Variants in CDH13 observed in about 807,000 individuals in gnomAD.
CDH13 encodes cadherin 13.
In CDH13, 24 loss-of-function variants were observed where a neutral mutation model predicts 63.8. That is an observed-to-expected ratio of 0.38 (90% CI 0.27 to 0.53). The LOEUF is 0.53. Among genes scored for constraint, CDH13 ranks in the 20% least tolerant of loss-of-function variants. The probability of loss-of-function intolerance (pLI) is 0.85; values close to 1 mark genes in which losing one functional copy is unlikely to be tolerated. For missense variants in CDH13, 1,049 were observed against 903.1 expected, an observed-to-expected ratio of 1.16 and a Z score of -2.07; for synonymous variants, 503 against 355.3, an observed-to-expected ratio of 1.42 and a Z score of -4.67.
At chr16:83,270,462 AC>A (rs2088768275) in intron 5 of CDH13, among the ~76,000 whole-genome samples, 2 of 152,158 alleles carry the variant, frequency 1.3e-5, no homozygotes, top group African/African-American at 2.4e-5. Flanking sequence ...TTAGTAAGCC[AC>A]CCCCATTGTG....
At chr16:83,379,564 A>G (rs148928397) in intron 6 of CDH13, among the ~76,000 whole-genome samples, 44 of 152,272 alleles carry the variant, frequency 2.9e-4, no homozygotes, top group African/African-American at 1.0e-3. Flanking sequence ...TTCCCATGGT[A>G]TGCACAACTT....
intron 6 of CDH13, among the ~76,000 whole-genome samples, chr16:83,470,014 G>C (rs1050426704): frequency 8.5e-5 from 13 of 152,086 alleles, no homozygotes; most frequent in African/African-American, 3.1e-4. Context: ...GTAGTCTCTG[G>C]GTGATACTTG....
intron 8 of CDH13, among the ~76,000 whole-genome samples, chr16:83,624,133 A>T (rs965921773): frequency 4.6e-5 from 7 of 151,984 alleles, no homozygotes; most frequent in Admixed American, 4.6e-4. Context: ...CTGTCTCTCT[A>T]TGTTGGCTTT....
intron 5 of CDH13, among the ~76,000 whole-genome samples, chr16:83,326,425 C>CTTTTTTTTT (rs1241180598): frequency 1.6e-5 from 2 of 126,640 alleles, no homozygotes; most frequent in African/African-American, 2.9e-5. Context: ...ACACTTGGTG[C>CTTTTTTTTT]TTTTTTTTTT....
chr16:82,710,552 A>T (rs1817349), intron 1 of CDH13, among the ~76,000 whole-genome samples: 5,027 of 61,616 alleles, frequency 0.082, 187 homozygotes, highest in African/African-American at 0.09. Flanking sequence ...AAAAAAAAAA[A>T]ATATATATAT....
At chr16:83,080,040 G>A (rs935215279) in intron 3 of CDH13, among the ~76,000 whole-genome samples, 2 of 152,218 alleles carry the variant, frequency 1.3e-5, no homozygotes, top group African/African-American at 4.8e-5. Flanking sequence ...TTTCAAGGAA[G>A]CTGAAGTGCC....
chr16:82,776,565 C>G (rs1476947072), intron 1 of CDH13, among the ~76,000 whole-genome samples: 1 of 152,172 alleles, frequency 6.6e-6, no homozygotes, highest in Non-Finnish European at 1.5e-5. Flanking sequence ...ACCTTCTTTT[C>G]AAATAAGAAT....
chr16:83,655,686 C>G (rs1211399426), intron 8 of CDH13, among the ~76,000 whole-genome samples: 1 of 152,186 alleles, frequency 6.6e-6, no homozygotes, highest in Admixed American at 6.5e-5. Context: ...AATGTCAGCT[C>G]CATGAGGGCA....
chr16:82,655,408 A>C (rs1002441239), intron 1 of CDH13, among the ~76,000 whole-genome samples: 1 of 152,192 alleles, frequency 6.6e-6, no homozygotes, highest in Non-Finnish European at 1.5e-5. Context: ...TGAGATGGCC[A>C]TGTGGATCTC....
At chr16:82,903,523 C>G (rs1330245117) in intron 2 of CDH13, among the ~76,000 whole-genome samples, 2 of 152,206 alleles carry the variant, frequency 1.3e-5, no homozygotes, top group Non-Finnish European at 2.9e-5. Flanking sequence ...GGCCACCCAC[C>G]CTGCCATTAT....
At position 82,816,308 on chromosome 16, in the gene CDH13, C is replaced by T. The variant is rs559975378; in HGVS notation, c.46-42054C>T. ...ACTCAGTAAATATTTATTGAGTACC[C>T]TGTATGTGTAGGTAGTGGTGATACA... On this transcript the variant is annotated intron_variant, in intron 1 of 13. Coordinates refer to ENST00000567109, the MANE Select transcript of CDH13 (RefSeq NM_001257.5). Among the ~76,000 whole-genome samples the T allele has an allele frequency of 5.3e-4, 81 of 152,238 alleles. 1 individual carries two copies. The Middle Eastern group carries it at 0.01, about 19-fold the overall frequency.
At chr16:83,779,822 C>A in intron 11 of CDH13, 146 bp from the exon 12 acceptor site, 1 of 597,240 alleles carries the variant, frequency 1.7e-6, no homozygotes, top group Non-Finnish European at 2.9e-6. Flanking sequence ...CGCACCACTG[C>A]ATTCCAGTCT....
chr16:83,582,719 C>A (rs985651816), intron 7 of CDH13, among the ~76,000 whole-genome samples: 2 of 152,172 alleles, frequency 1.3e-5, no homozygotes, highest in Non-Finnish European at 2.9e-5. Flanking sequence ...TGCTGACGGC[C>A]AGTGGAAATG....
At chr16:83,295,897 GC>G (rs1490103427) in intron 5 of CDH13, among the ~76,000 whole-genome samples, 7 of 152,162 alleles carry the variant, frequency 4.6e-5, no homozygotes, top group Admixed American at 6.6e-5. Flanking sequence ...GTTCACAATA[GC>G]CAAGATATGG....
intron 9 of CDH13, 112 bp downstream of exon 9, chr16:83,671,084 C>G (rs565234958): frequency 1.1e-6 from 1 of 910,312 alleles, no homozygotes; most frequent in African/African-American, 1.7e-5. Flanking sequence ...CCCCAGTCTC[C>G]TCCTTCTGGG....
At chr16:83,578,466 G>A (rs1018923290) in intron 7 of CDH13, among the ~76,000 whole-genome samples, 6 of 152,136 alleles carry the variant, frequency 3.9e-5, no homozygotes, top group African/African-American at 7.2e-5. Context: ...TAAGAGAGAC[G>A]CACAAATGTC....
intron 2 of CDH13, among the ~76,000 whole-genome samples, chr16:83,013,222 T>C (rs1485366301): frequency 6.6e-6 from 1 of 152,236 alleles, no homozygotes; most frequent in African/African-American, 2.4e-5. Context: ...GCCATATACA[T>C]GTAGGTGAAT....
intron 1 of CDH13, among the ~76,000 whole-genome samples, chr16:82,645,119 C>G (rs1278712657): frequency 6.6e-6 from 1 of 152,110 alleles, no homozygotes; most frequent in African/African-American, 2.4e-5. Context: ...ACAGATCACA[C>G]TTCTGAAAAC....
chr16:83,734,501 A>C (rs1211340464), intron 10 of CDH13, among the ~76,000 whole-genome samples: 1 of 149,022 alleles, frequency 6.7e-6, no homozygotes, highest in Non-Finnish European at 1.5e-5. Flanking sequence ...CAAACACCGC[A>C]TGTTCTCACT....
Sources: gnomAD v4.1 joint callset for allele counts (sites outside exome capture counted in the v4.1 genomes callset) on GRCh38, gnomAD v4.1.1 for gene constraint, MANE v1.5 for transcripts, NCBI Gene and HGNC (gene_info 2026-07-23, HGNC 2026-07-21) for gene names.